NDUFS3: variants seen among roughly 807,000 people sequenced by gnomAD.
NDUFS3 encodes the protein NADH:ubiquinone oxidoreductase core subunit S3.
NDUFS3 carries 19 observed loss-of-function variants against 30.8 expected under a neutral mutation model. The observed-to-expected ratio is 0.62, with a 90% CI of 0.43 to 0.91. The LOEUF is 0.91. Among genes scored for constraint, NDUFS3 ranks in the 40% least tolerant of loss-of-function variants. The pLI, the probability that NDUFS3 is intolerant of heterozygous loss-of-function variation, is 0.00. For synonymous variants in NDUFS3, 153 were observed against 135.8 expected, an observed-to-expected ratio of 1.13 and a Z score of -0.88; for missense variants, 331 against 342.0, an observed-to-expected ratio of 0.97 and a Z score of 0.25.
chr11:47,580,698 T>G, intron 3 of NDUFS3, 76 bp downstream of exon 3: 1 of 1,587,626 alleles, frequency 6.3e-7, no homozygotes, highest in South Asian at 1.1e-5. Flanking sequence ...GTGGGCAGAC[T>G]TGTTTCAAAG....
chr11:47,583,022 C>G (rs898281826), intron 6 of NDUFS3, among the ~76,000 whole-genome samples: 1 of 151,862 alleles, frequency 6.6e-6, no homozygotes, highest in Non-Finnish European at 1.5e-5. Context: ...TGTATGAAGC[C>G]TGCTGTATTG....
In NDUFS3 at chr11:47,579,328, ACGCGCCGTGAGTATGTGCGGGCAGCGCT is replaced by A; in HGVS notation, c.129_133+23del. ...GAGGCGGGAGAGCGCCGGGGCCGAC[ACGCGCCGTGAGTATGTGCGGGCAGCGCT>A]CTTCTCTGAACTATCGGCGGGGCCC... On this transcript the variant is annotated splice_donor_variant and splice_donor_5th_base_variant and coding_sequence_variant and intron_variant, in exon 2 of 7. Coordinates refer to ENST00000263774, the MANE Select transcript of NDUFS3 (RefSeq NM_004551.3). LOFTEE classifies it high-confidence loss of function. The A allele has an allele frequency of 1.2e-6, 2 of 1,613,798 alleles. No individual in the cohort carries two copies. Among genetic ancestry groups the A allele is most frequent in the Non-Finnish European group, 1.7e-6 (2 of 1,180,034 alleles).
chr11:47,580,427 T>C, intron 2 of NDUFS3, 98 bp from the exon 3 acceptor site: 1 of 1,161,220 alleles, frequency 8.6e-7, no homozygotes, highest in Non-Finnish European at 1.3e-6. Context: ...TCAGGGAGCC[T>C]TTCCTGGATT....
intron 2 of NDUFS3, 57 bp downstream of exon 2, chr11:47,579,391 C>T (rs774586963): frequency 1.2e-6 from 2 of 1,602,606 alleles, no homozygotes; most frequent in South Asian, 1.1e-5. Flanking sequence ...CCTTAGATGC[C>T]TGTCCTTGCC....
chr11:47,579,231 T>G, intron 1 of NDUFS3, 38 bp from the exon 2 acceptor site: 2 of 1,614,066 alleles, frequency 1.2e-6, no homozygotes, highest in Non-Finnish European at 1.7e-6. Flanking sequence ...TCCTCAGGGC[T>G]CATCCCGCGC....
chr11:47,581,489 C>T (rs977890074), intron 4 of NDUFS3: 2 of 214,050 alleles, frequency 9.3e-6, no homozygotes, highest in African/African-American at 2.4e-5. Flanking sequence ...ATTTTCTTAC[C>T]GGGAAAATAA....
Position 47,584,535 on chromosome 11 carries a change from CGT to C in NDUFS3, c.*57_*58del. 1 of 1,597,404 alleles carries C rather than the reference CGT, an allele frequency of 6.3e-7. No homozygotes were observed. Among genetic ancestry groups the C allele is most frequent in the Non-Finnish European group, 8.6e-7 (1 of 1,167,120 alleles). On this transcript the variant is annotated 3_prime_UTR_variant, in exon 7 of 7. Coordinates refer to ENST00000263774, the MANE Select transcript of NDUFS3 (RefSeq NM_004551.3). The stretch of plus-strand genomic sequence containing the variant: ...AGCGCCTTATCTATGATTGAGTGTC[CGT>C]GTAAATAAATTCCTACTTAGACTTA...
chr11:47,582,159 G>A lies in NDUFS3; in HGVS notation c.453G>A (p.Thr151=), dbSNP rs113851567. 8.1e-6 allele frequency: 13 copies of A among 1,614,052 alleles called. No homozygotes were observed. Among genetic ancestry groups the A allele is most frequent in the South Asian group, 4.4e-5 (4 of 91,090 alleles). ...TGAAGACCTACACAGATGAGCTGAC[G>A]CCCATTGAGTCTGCTGTCTCTGTGT... The part of the protein sequence containing the change: ...IRVKTYTDEL[T]PIESAVSVFK... Residue 151 remains threonine (T), a synonymous_variant, in exon 5 of 7, where the codon ACG becomes ACA. Coordinates refer to ENST00000263774, the MANE Select transcript of NDUFS3 (RefSeq NM_004551.3).
At chr11:47,582,240 C>T (rs748663281) in intron 5 of NDUFS3, 27 bp downstream of exon 5, 6 of 1,614,094 alleles carry the variant, frequency 3.7e-6, no homozygotes, top group Non-Finnish European at 5.1e-6. Flanking sequence ...GGTGGACCTG[C>T]CTCTGGGCCA....
In NDUFS3 at chr11:47,582,382, C is replaced by G. The variant is rs1361828725; in HGVS notation, c.541C>G (p.His181Asp). Residue 181 changes from histidine to aspartate, a missense_variant, in exon 6 of 7, where the codon CAC (histidine) becomes GAC (aspartate). Transcript: ENST00000263774. ...WDMFGVFFAN[H>D]PDLRRILTDY... Reference sequence around the variant, plus strand: ...CATGTTTGGAGTCTTCTTTGCTAACCACCCTGATCTAAGAAGGATCCTGAC... The same window carrying G: ...CATGTTTGGAGTCTTCTTTGCTAACGACCCTGATCTAAGAAGGATCCTGAC... 6.2e-7 allele frequency: 1 copy of G among 1,614,172 alleles called. No homozygotes were observed. Among genetic ancestry groups the G allele is most frequent in the Admixed American group, 1.7e-5 (1 of 60,016 alleles).
chr11:47,581,289 G>A, intron 4 of NDUFS3: 1 of 380,634 alleles, frequency 2.6e-6, no homozygotes, highest in Non-Finnish European at 5.0e-6. Context: ...GAGTAGCTGG[G>A]ACTACAGGTG....
chr11:47,584,211 G>A (rs1387962662), intron 6 of NDUFS3, 103 bp from the exon 7 acceptor site: 2 of 1,482,068 alleles, frequency 1.3e-6, no homozygotes, highest in Non-Finnish European at 1.9e-6. Context: ...GTAACCGAGA[G>A]GAATGGGCTG....
In NDUFS3 at chr11:47,582,141, C is replaced by G. The variant is rs777160160; in HGVS notation, c.435C>G (p.Thr145=). 1 of 1,614,176 alleles carries G rather than the reference C, an allele frequency of 6.2e-7. No individual in the cohort carries two copies. The highest frequency in any genetic ancestry group is 8.5e-7 in the Non-Finnish European group (1 of 1,180,016). The change falls in exon 5 of 7, where the codon ACC becomes ACG. Residue 145 remains threonine, a synonymous_variant. Coordinates refer to ENST00000263774, the MANE Select transcript of NDUFS3 (RefSeq NM_004551.3). The stretch of plus-strand genomic sequence containing the variant: ...TCAACTCACGGATCCGTGTGAAGAC[C>G]TACACAGATGAGCTGACGCCCATTG... ...LRFNSRIRVK[T]YTDELTPIES...
intron 4 of NDUFS3, 133 bp downstream of exon 4, chr11:47,581,117 T>A: frequency 9.1e-7 from 1 of 1,101,756 alleles, no homozygotes; most frequent in Non-Finnish European, 1.4e-6. Context: ...GTTCTGCCAC[T>A]AAATGGCTGT....
Position 47,584,375 on chromosome 11 carries a change from T to TC in NDUFS3, c.691dup (p.Arg231ProfsTer4), listed in dbSNP as rs1202381966. ...GAGCCGGTGGAGTTGGCCCAAGAGT[T>TC]CCGCAAATTTGACCTGAACAGCCCC... is the stretch of plus-strand genomic sequence containing the variant. On this transcript the variant is annotated frameshift_variant, in exon 7 of 7. Transcript: ENST00000263774. LOFTEE classifies it high-confidence loss of function. The TC allele has an allele frequency of 6.2e-7, 1 of 1,613,934 alleles. No individual in the cohort carries two copies. The highest frequency in any genetic ancestry group is 8.5e-7 in the Non-Finnish European group (1 of 1,179,972).
In NDUFS3 at chr11:47,584,458, G is replaced by C. The variant is rs1389886482; in HGVS notation, c.772G>C (p.Asp258His). The change falls in exon 7 of 7, where the codon GAC (aspartate) becomes CAC (histidine). Residue 258 changes from aspartate (D) to histidine (H), a missense_variant. Coordinates refer to ENST00000263774, the MANE Select transcript of NDUFS3 (RefSeq NM_004551.3). ...PPESLKLEAG[D>H]KKPDAK ...GGAGAGTCTCAAGCTTGAAGCCGGA[G>C]ACAAGAAGCCTGATGCCAAGTAGCT... is the stretch of plus-strand genomic sequence containing the variant. 2 of 1,614,076 alleles carry C rather than the reference G, an allele frequency of 1.2e-6. No individual in the cohort carries two copies. Among genetic ancestry groups the C allele is most frequent in the Admixed American group, 1.7e-5 (1 of 60,004 alleles).
chr11:47,584,116 A>G (rs1321196181), intron 6 of NDUFS3, among the ~76,000 whole-genome samples, 198 bp from the exon 7 acceptor site: 2 of 152,098 alleles, frequency 1.3e-5, no homozygotes, highest in Non-Finnish European at 2.9e-5. Context: ...TTTTGGAATC[A>G]CACACTCTAG....
chr11:47,580,849 T>C lies in NDUFS3; in HGVS notation c.246T>C (p.Asn82=), dbSNP rs2153795325. 1 of 1,614,212 alleles carries C rather than the reference T, an allele frequency of 6.2e-7. No homozygotes were observed. The highest frequency in any genetic ancestry group is 8.5e-7 in the Non-Finnish European group (1 of 1,180,048). ...CATGTGTGCAGGTGTCCTGCTTCAA[T>C]GAGTTAGAGGTCTGTATCCATCCTG... The part of the protein sequence containing the change: ...YVQQVQVSCF[N]ELEVCIHPDG... Residue 82 remains asparagine, a synonymous_variant, in exon 4 of 7, where the codon AAT becomes AAC. Transcript: ENST00000263774.
rs1006695051 is a variant in NDUFS3 at position 47,582,311 on chromosome 11, C to G, written c.508-38C>G. 3.7e-6 allele frequency: 6 copies of G among 1,614,072 alleles called. No homozygotes were observed. The African/African-American group carries it at 6.7e-5, about 18-fold the overall frequency. On this transcript the variant is annotated intron_variant, in intron 5 of 6. Coordinates refer to ENST00000263774, the MANE Select transcript of NDUFS3 (RefSeq NM_004551.3). ...GTAGCCCCTTCCCCCTGTTGTTAGTCTTGATGGATTGGCTGTTTGAGGTGG... is the reference window on the plus strand; with the variant it reads ...GTAGCCCCTTCCCCCTGTTGTTAGTGTTGATGGATTGGCTGTTTGAGGTGG...
Sources: gnomAD v4.1 joint callset for allele counts (sites outside exome capture counted in the v4.1 genomes callset) on GRCh38, gnomAD v4.1.1 for gene constraint, MANE v1.5 for transcripts, NCBI Gene and HGNC (gene_info 2026-07-23, HGNC 2026-07-21) for gene names.